The following CCDC181 variants were observed in gnomAD, a reference collection of about 807,000 sequenced individuals.
CCDC181 encodes the protein coiled-coil domain-containing protein 181.
Under a neutral mutation model 58.7 loss-of-function variants are expected in CCDC181, and 35 were observed. That is an observed-to-expected ratio of 0.60 (90% CI 0.46 to 0.79). The LOEUF (loss-of-function observed/expected upper bound fraction) is 0.79, where lower values mean the gene tolerates loss of function less well. Ranked by LOEUF, CCDC181 falls within the 30% of genes least tolerant of loss-of-function variation. The pLI, the probability that CCDC181 is intolerant of heterozygous loss-of-function variation, is 0.00. For synonymous variants in CCDC181, 183 were observed against 197.5 expected (o/e 0.93, Z 0.62); for missense variants, 517 against 583.9 (o/e 0.89, Z 1.18).
intron 2 of CCDC181, among the ~76,000 whole-genome samples, chr1:169,438,664 C>T (rs923983244): frequency 6.6e-6 from 1 of 152,166 alleles, no homozygotes; most frequent in Non-Finnish European, 1.5e-5. Context: ...CTTTGATCCA[C>T]TCCAGATGGG....
At chr1:169,402,153 A>C (rs1655389315) in intron 4 of CCDC181, among the ~76,000 whole-genome samples, 1 of 152,208 alleles carries the variant, frequency 6.6e-6, no homozygotes, top group South Asian at 2.1e-4. Context: ...ATATGGGACT[A>C]TGTGAAAAGA....
chr1:169,421,273 A>G (rs1656440151), intron 3 of CCDC181, 90 bp downstream of exon 3: 2 of 1,007,256 alleles, frequency 2.0e-6, no homozygotes, highest in African/African-American at 1.6e-5. Flanking sequence ...AAAGTCTCCA[A>G]TGGTTTGAAC....
chr1:169,421,839 C>G lies in CCDC181; in HGVS notation c.592G>C (p.Glu198Gln). The change falls in exon 3 of 6, where the codon GAA becomes CAA. Residue 198 changes from glutamate (E) to glutamine (Q), a missense_variant. By Grantham distance (29) the Glu-to-Gln change is conservative (BLOSUM62 2). Transcript: ENST00000367806. ...QLCISNDFGQ[E>Q]DVLLSLTNGS... ...TTAGTAAGTGACAGGAGCACATCTT[C>G]TTGTCCAAAATCATTGGAAATACAT... 6.2e-7 allele frequency: 1 copy of G among 1,614,004 alleles called. No homozygotes were observed. The highest frequency in any genetic ancestry group is 1.1e-5 in the South Asian group (1 of 91,082).
In CCDC181 at chr1:169,438,200, C is replaced by CT. The variant is rs35686282; in HGVS notation, c.-23-13251dup. Among the ~76,000 whole-genome samples, 697 of 150,862 alleles carry CT rather than the reference C, an allele frequency of 4.6e-3. 2 individuals are homozygous for CT. Among genetic ancestry groups the CT allele is most frequent in the Non-Finnish European group, 6.9e-3 (469 of 67,712 alleles). Reference sequence around the variant, plus strand: ...CAGCCTAAGACTAGCCTCACAAATCCTTTTTTTTTTAAATATATTAATCAA... The same window carrying CT: ...CAGCCTAAGACTAGCCTCACAAATCCTTTTTTTTTTTAAATATATTAATCAA... On this transcript the variant is annotated intron_variant, in intron 2 of 6. Transcript: ENST00000545005.
chr1:169,409,851 C>A (rs779321038), intron 4 of CCDC181, among the ~76,000 whole-genome samples: 2 of 152,114 alleles, frequency 1.3e-5, no homozygotes, highest in Non-Finnish European at 2.9e-5. Context: ...GATTTTGTCA[C>A]CACCAGGCCT....
intron 1 of CCDC181, chr1:169,460,188 G>A (rs1186650699): frequency 6.6e-6 from 1 of 152,050 alleles, no homozygotes; most frequent in East Asian, 1.9e-4. Context: ...GATTTGTAGC[G>A]GTCAGTACCG....
chr1:169,404,501 T>TC (rs1401436271), intron 4 of CCDC181, among the ~76,000 whole-genome samples: 1 of 152,202 alleles, frequency 6.6e-6, no homozygotes, highest in African/African-American at 2.4e-5. Context: ...CAAGCCTGGT[T>TC]CAACGTATGC....
rs1220038717 is a variant in CCDC181 at position 169,403,760 on chromosome 1, CAA to C, written c.1216-6371_1216-6370del. The stretch of plus-strand genomic sequence containing the variant: ...ATCACAATTAAAAGAACTGGAGAAA[CAA>C]GAGCAAACACATTCAAAAGCTAGCA... On this transcript the variant is annotated intron_variant, in intron 4 of 5. Transcript: ENST00000367806. Among the ~76,000 whole-genome samples, 9 of 152,136 alleles carry C rather than the reference CAA, an allele frequency of 5.9e-5. No homozygotes were observed. The East Asian group carries it at 7.7e-4, about 13-fold the overall frequency.
At chr1:169,430,776 T>C (rs1268470352), upstream of CCDC181, among the ~76,000 whole-genome samples, 1 of 152,146 alleles carries the variant, frequency 6.6e-6, no homozygotes, top group African/African-American at 2.4e-5. Flanking sequence ...GCATGAGCAG[T>C]GGCTCAAGGG....
At chr1:169,449,727 G>A (rs1289517634) in intron 2 of CCDC181, among the ~76,000 whole-genome samples, 2 of 152,336 alleles carry the variant, frequency 1.3e-5, no homozygotes, top group Non-Finnish European at 2.9e-5. Flanking sequence ...GGAAGACTCA[G>A]CCAGTCTGGT....
At chr1:169,403,148 C>T (rs1255610738) in intron 4 of CCDC181, among the ~76,000 whole-genome samples, 1 of 152,102 alleles carries the variant, frequency 6.6e-6, no homozygotes, top group East Asian at 1.9e-4. Flanking sequence ...ACAGGAGCAC[C>T]CAGATTCATA....
chr1:169,395,881 T>G (rs1483695088), intron 5 of CCDC181: 7 of 151,528 alleles, frequency 4.6e-5, no homozygotes, highest in African/African-American at 9.7e-5. Flanking sequence ...TTTTGTTGTT[T>G]TTTTTTTTTC....
intron 4 of CCDC181, among the ~76,000 whole-genome samples, chr1:169,398,264 G>T (rs527612006): frequency 6.6e-6 from 1 of 152,180 alleles, no homozygotes; most frequent in African/African-American, 2.4e-5. Context: ...TAACAATACC[G>T]TATATTTCAA....
At chr1:169,449,209 G>T (rs1248906126) in intron 2 of CCDC181, among the ~76,000 whole-genome samples, 1 of 152,074 alleles carries the variant, frequency 6.6e-6, no homozygotes, top group Non-Finnish European at 1.5e-5. Context: ...AGCATATCTT[G>T]TAAATTTTTG....
At chr1:169,418,190 A>G (rs1656298806) in intron 4 of CCDC181, among the ~76,000 whole-genome samples, 2 of 152,218 alleles carry the variant, frequency 1.3e-5, no homozygotes, top group Non-Finnish European at 2.9e-5. Flanking sequence ...TGATGTTCCC[A>G]TAGAATGTAC....
intron 4 of CCDC181, among the ~76,000 whole-genome samples, chr1:169,401,020 G>A (rs1319476414): frequency 1.3e-5 from 2 of 152,196 alleles, no homozygotes; most frequent in Non-Finnish European, 2.9e-5. Context: ...CTGGCTCAGA[G>A]GGTCCCACTC....
Position 169,421,641 on chromosome 1 carries a change from C to T in CCDC181, c.790G>A (p.Val264Ile). Residue 264 changes from valine to isoleucine, a missense_variant, in exon 3 of 6, where the codon GTC becomes ATC. Coordinates refer to ENST00000367806, the MANE Select transcript of CCDC181 (RefSeq NM_001300969.2). ...GAATCTTCTTTCTTGGTGCCACTGA[C>T]AGAGGAGTTGGAAGATCTGGGTAAC... is the stretch of plus-strand genomic sequence containing the variant. ...QLLPRSSNSS[V>I]SGTKKEDSTA... is the part of the protein sequence containing the mutation. 6.2e-7 allele frequency: 1 copy of T among 1,614,142 alleles called. No individual in the cohort carries two copies. The highest frequency in any genetic ancestry group is 8.5e-7 in the Non-Finnish European group (1 of 1,180,014).
At chr1:169,408,291 A>T (rs568952669) in intron 4 of CCDC181, among the ~76,000 whole-genome samples, 1 of 152,194 alleles carries the variant, frequency 6.6e-6, no homozygotes, top group Admixed American at 6.5e-5. Flanking sequence ...ACAGCCAGGA[A>T]GTTGGAACTG....
intron 4 of CCDC181, among the ~76,000 whole-genome samples, chr1:169,412,471 T>C (rs1244435060): frequency 6.6e-6 from 1 of 152,180 alleles, no homozygotes; most frequent in Non-Finnish European, 1.5e-5. Flanking sequence ...ACTGATTCAA[T>C]GCTATCCCCA....
Sources: allele counts gnomAD v4.1 joint callset (sites outside exome capture counted in the v4.1 genomes callset), GRCh38; gene constraint gnomAD v4.1.1; transcripts MANE v1.5; gene names NCBI Gene and HGNC (gene_info 2026-07-23, HGNC 2026-07-21).